SLC41A2: variants seen among roughly 807,000 people sequenced by gnomAD.
The protein encoded by SLC41A2 is SLC41A1-like 1.
SLC41A2 carries 32 observed loss-of-function variants against 58.3 expected under a neutral mutation model. The observed-to-expected ratio is 0.55, with a 90% CI of 0.41 to 0.74. The LOEUF is 0.74. Ranked by LOEUF, SLC41A2 falls within the 30% of genes least tolerant of loss-of-function variation. The probability of loss-of-function intolerance (pLI) is 0.00; values close to 1 mark genes in which losing one functional copy is unlikely to be tolerated. For synonymous variants in SLC41A2, 190 were observed against 235.0 expected (o/e 0.81, Z 1.75); for missense variants, 514 against 680.6 (o/e 0.76, Z 2.72).
At chr12:104,834,599 T>C (rs2042146202) in intron 10 of SLC41A2, among the ~76,000 whole-genome samples, 1 of 151,982 alleles carries the variant, frequency 6.6e-6, no homozygotes. Flanking sequence ...GAAGATTAAG[T>C]AACCTGTTTA....
chr12:104,947,882 A>T (rs190083303), intron 1 of SLC41A2, among the ~76,000 whole-genome samples: 10 of 152,294 alleles, frequency 6.6e-5, no homozygotes, highest in Non-Finnish European at 1.0e-4. Flanking sequence ...AATAAACCAG[A>T]TTATCTTAAA....
intron 5 of SLC41A2, among the ~76,000 whole-genome samples, chr12:104,888,571 G>A (rs1366623875): frequency 2.0e-5 from 3 of 151,976 alleles, no homozygotes; most frequent in Admixed American, 1.3e-4. Context: ...TAAGTATAAG[G>A]TTATATTTGT....
At chr12:104,905,579 G>A (rs1490287980) in intron 3 of SLC41A2, among the ~76,000 whole-genome samples, 1 of 152,236 alleles carries the variant, frequency 6.6e-6, no homozygotes, top group Admixed American at 6.5e-5. Flanking sequence ...GCTCATCGGG[G>A]AGGCTCGGGC....
intron 10 of SLC41A2, among the ~76,000 whole-genome samples, chr12:104,818,614 C>T (rs1242485342): frequency 6.6e-6 from 1 of 152,152 alleles, no homozygotes; most frequent in Non-Finnish European, 1.5e-5. Flanking sequence ...TGCGGTGGCT[C>T]ATACCTGTAA....
chr12:104,920,292 T>C (rs1173011340), intron 2 of SLC41A2, among the ~76,000 whole-genome samples: 1 of 152,172 alleles, frequency 6.6e-6, no homozygotes, highest in Non-Finnish European at 1.5e-5. Context: ...CGTTTGGATA[T>C]GAATTTTAGA....
chr12:104,820,939 C>G lies in SLC41A2; in HGVS notation c.1537-15602G>C, dbSNP rs7968778. On this transcript the variant is annotated intron_variant, in intron 10 of 10. Coordinates refer to ENST00000258538, the MANE Select transcript of SLC41A2 (RefSeq NM_001352171.3). The stretch of plus-strand genomic sequence containing the variant: ...GGATTACAGGCATGAGCCACTGTGC[C>G]CCGCCTAATGCAGGGAATTTCTATA... 2.4e-3 allele frequency among the ~76,000 whole-genome samples: 361 copies of G among 148,602 alleles called. 2 individuals are homozygous for G. The highest frequency in any genetic ancestry group is 9.0e-3 in the African/African-American group (342 of 38,020).
At chr12:104,942,030 A>G (rs1457261251) in intron 1 of SLC41A2, among the ~76,000 whole-genome samples, 1 of 152,226 alleles carries the variant, frequency 6.6e-6, no homozygotes, top group Non-Finnish European at 1.5e-5. Context: ...ATGGATGGCA[A>G]ACAAGGTGAA....
chr12:104,805,229 G>A lies in SLC41A2; in HGVS notation c.1645C>T (p.Leu549Phe). ...IPYLTALGDL[L>F]GTALLALSFH... ...CTTAAGGCTAACAGAGCTGTCCCGA[G>A]CAGATCACCCAATGCTGTTAGGTAG... The change falls in exon 11 of 11, where the codon CTC becomes TTC. Residue 549 changes from leucine to phenylalanine, a missense_variant. Leu to Phe is a conservative substitution (Grantham distance 22, BLOSUM62 0). This residue lies in a region of SLC41A2 where 128 missense variants were observed against 146.0 expected (regional missense o/e 0.88). Coordinates refer to ENST00000258538, the MANE Select transcript of SLC41A2 (RefSeq NM_001352171.3). 6 of 1,613,938 alleles carry A rather than the reference G, an allele frequency of 3.7e-6. No individual in the cohort carries two copies. Among genetic ancestry groups the A allele is most frequent in the Non-Finnish European group, 4.2e-6 (5 of 1,179,878 alleles).
chr12:104,877,219 G>A (rs1409624070), intron 6 of SLC41A2, among the ~76,000 whole-genome samples: 2 of 152,130 alleles, frequency 1.3e-5, no homozygotes, highest in Admixed American at 1.3e-4. Flanking sequence ...ATGGAGTCTT[G>A]GAATTTAAAT....
At position 104,866,373 on chromosome 12, in the gene SLC41A2, G is replaced by GACGTAC. The variant is rs1471191957; in HGVS notation, c.1175+58_1175+59insGTACGT. On this transcript the variant is annotated intron_variant, in intron 7 of 10. Coordinates refer to ENST00000258538, the MANE Select transcript of SLC41A2 (RefSeq NM_001352171.3). ...TGCTTATAGAAGACACACAAAGACA[G>GACGTAC]ACAGACGTACACACACACACACACA... 1.5e-5 allele frequency: 21 copies of GACGTAC among 1,436,642 alleles called. No homozygotes were observed. In the African/African-American group the frequency reaches 3.5e-4, roughly 24 times the overall value. 89.0% of individuals were successfully genotyped at this position (1,436,642 alleles called of 1,614,324 possible). A position where few individuals can be genotyped will look rare whatever the true frequency, so the allele number is the denominator to read the frequency against.
At chr12:104,861,727 C>A (rs1012308226) in intron 7 of SLC41A2, among the ~76,000 whole-genome samples, 3 of 152,050 alleles carry the variant, frequency 2.0e-5, no homozygotes, top group African/African-American at 7.2e-5. Flanking sequence ...CATTTTATAT[C>A]CTTCTGTGCT....
intron 10 of SLC41A2, among the ~76,000 whole-genome samples, chr12:104,839,969 A>C (rs116536810): frequency 0.019 from 2,842 of 152,336 alleles, 31 homozygotes; most frequent in African/African-American, 0.035. Flanking sequence ...GGAAACAAAG[A>C]TGTACTGCTG....
chr12:104,809,985 C>T (rs1320652397), intron 10 of SLC41A2, among the ~76,000 whole-genome samples: 4 of 152,122 alleles, frequency 2.6e-5, no homozygotes, highest in Non-Finnish European at 5.9e-5. Context: ...AAAAAGTAGA[C>T]AACATCTGAT....
intron 2 of SLC41A2, among the ~76,000 whole-genome samples, chr12:104,923,204 C>CAAAAAAAAAAAAAAAAA (rs1267157553): frequency 2.5e-4 from 27 of 107,890 alleles, no homozygotes; most frequent in African/African-American, 5.1e-4. Flanking sequence ...CTACTAAAAG[C>CAAAAAAAAAAAAAAAAA]ACAAAAAATT....
intron 6 of SLC41A2, among the ~76,000 whole-genome samples, chr12:104,884,476 G>A (rs1213913382): frequency 6.6e-6 from 1 of 152,100 alleles, no homozygotes. Flanking sequence ...TCTTGGAACT[G>A]TATACCTGTA....
chr12:104,934,937 A>T (rs1446425510), intron 1 of SLC41A2, among the ~76,000 whole-genome samples: 1 of 151,990 alleles, frequency 6.6e-6, no homozygotes, highest in Non-Finnish European at 1.5e-5. Flanking sequence ...TAGACTGGGA[A>T]AGAAAGTTTT....
chr12:104,850,385 C>T (rs1478434004), intron 8 of SLC41A2, among the ~76,000 whole-genome samples: 2 of 152,126 alleles, frequency 1.3e-5, no homozygotes, highest in African/African-American at 4.8e-5. Context: ...CTTGGGCATA[C>T]ATAAATATTA....
At chr12:104,905,050 G>T (rs1286075128) in intron 3 of SLC41A2, among the ~76,000 whole-genome samples, 2 of 151,802 alleles carry the variant, frequency 1.3e-5, no homozygotes, top group Admixed American at 1.3e-4. Context: ...TGATTGGTGC[G>T]TTTACAATCC....
intron 8 of SLC41A2, among the ~76,000 whole-genome samples, chr12:104,846,436 T>A (rs542161591): frequency 1.1e-4 from 16 of 152,356 alleles, no homozygotes; most frequent in African/African-American, 3.6e-4. Flanking sequence ...TGCCAGGATG[T>A]GAAATGAATT....
Sources: allele counts gnomAD v4.1 joint callset (sites outside exome capture counted in the v4.1 genomes callset), GRCh38; gene constraint gnomAD v4.1.1; regional missense constraint gnomAD v4.1.1; transcripts MANE v1.5; gene names NCBI Gene and HGNC (gene_info 2026-07-23, HGNC 2026-07-21).